Variants in LCP1 observed in about 807,000 individuals in gnomAD.
LCP1 encodes plastin-2.
LCP1 carries 23 observed loss-of-function variants against 72.0 expected under a neutral mutation model. The observed-to-expected ratio is 0.32, with a 90% confidence interval of 0.23 to 0.45. LCP1 has a LOEUF of 0.45. Ranked by LOEUF, LCP1 falls within the 20% of genes least tolerant of loss-of-function variation. The pLI is 1.00. For synonymous variants in LCP1, 245 were observed against 275.4 expected, an observed-to-expected ratio of 0.89 and a Z score of 1.09; for missense variants, 571 against 748.3, an observed-to-expected ratio of 0.76 and a Z score of 2.76.
At chr13:46,170,818 G>A (rs1284432132) in intron 1 of LCP1, among the ~76,000 whole-genome samples, 1 of 152,188 alleles carries the variant, frequency 6.6e-6, no homozygotes, top group Non-Finnish European at 1.5e-5. Flanking sequence ...GGCCTGTTGA[G>A]TAGGGGAGAG....
At chr13:46,163,564 C>G (rs1450287693) in intron 1 of LCP1, among the ~76,000 whole-genome samples, 1 of 151,460 alleles carries the variant, frequency 6.6e-6, no homozygotes, top group African/African-American at 2.4e-5. Context: ...ATCTGCTGAC[C>G]TTCCCTCCAC....
intron 6 of LCP1, chr13:46,153,212 T>C (rs895000684): frequency 3.5e-6 from 1 of 283,740 alleles, no homozygotes; most frequent in Non-Finnish European, 6.6e-6. Context: ...ATGAGACTGA[T>C]GAGGCCTATA....
At chr13:46,173,189 A>G (rs2045912677) in intron 1 of LCP1, among the ~76,000 whole-genome samples, 2 of 152,228 alleles carry the variant, frequency 1.3e-5, no homozygotes, top group South Asian at 4.1e-4. Flanking sequence ...AAATGAATCA[A>G]CTAGGCAGTG....
rs1230335478 is a variant in LCP1 at position 46,127,061 on chromosome 13, G to A, written c.*530C>T. 9 of 230,854 alleles carry A rather than the reference G, an allele frequency of 3.9e-5. No homozygotes were observed. The highest frequency in any genetic ancestry group is 1.6e-4 in the African/African-American group (7 of 45,150). The allele number at this position is 230,854 out of a possible 1,614,324, so 14.3% of individuals were successfully genotyped here. On this transcript the variant is annotated 3_prime_UTR_variant, in exon 16 of 16. Transcript: ENST00000323076. ...ACGGCCAGAAGAGATGGGCCCCCCC[G>A]GAAGGCATGGTTCCAAAAGTGTGAG...
At position 46,152,945 on chromosome 13, in the gene LCP1, C is replaced by T; in HGVS notation, c.574G>A (p.Glu192Lys). 6.2e-7 allele frequency: 1 copy of T among 1,604,234 alleles called. No homozygotes were observed. The highest frequency in any genetic ancestry group is 8.5e-7 in the Non-Finnish European group (1 of 1,177,014). Reference protein sequence around the residue: ...KKKLTPFTIQENLNLALNSAS... With the variant: ...KKKLTPFTIQKNLNLALNSAS... ...GAGTTCAGAGCCAAGTTCAGATTTT[C>T]CTGAGGGAGAAAATGTATGCAAGTT... is the stretch of plus-strand genomic sequence containing the variant. Residue 192 changes from glutamate (E) to lysine (K), a missense_variant and splice_region_variant, in exon 7 of 16, where the codon GAA becomes AAA. Glu to Lys is a moderately conservative substitution (Grantham distance 56). Transcript: ENST00000323076.
intron 6 of LCP1, 140 bp from the exon 7 acceptor site, chr13:46,153,085 A>T (rs2045778858): frequency 2.5e-6 from 2 of 804,478 alleles, no homozygotes; most frequent in Non-Finnish European, 3.8e-6. Context: ...TAACATTGAG[A>T]AAAAAACAGT....
chr13:46,161,650 A>C (rs1029835861), intron 1 of LCP1, among the ~76,000 whole-genome samples: 4 of 151,996 alleles, frequency 2.6e-5, no homozygotes, highest in African/African-American at 9.7e-5. Context: ...AAATAATTTG[A>C]GCTAAGTTAC....
At chr13:46,167,220 T>G (rs765843233) in intron 1 of LCP1, among the ~76,000 whole-genome samples, 23 of 152,140 alleles carry the variant, frequency 1.5e-4, no homozygotes, top group Non-Finnish European at 2.1e-4. Context: ...TAAACACTTA[T>G]GGGAAGCTAG....
intron 11 of LCP1, among the ~76,000 whole-genome samples, 191 bp from the exon 12 acceptor site, chr13:46,143,595 G>C (rs908076926): frequency 1.3e-5 from 2 of 152,138 alleles, no homozygotes; most frequent in African/African-American, 4.8e-5. Flanking sequence ...ACTCTTCCCA[G>C]GTGTGACTAG....
chr13:46,162,176 C>A (rs1730670448), intron 1 of LCP1, among the ~76,000 whole-genome samples: 1 of 151,978 alleles, frequency 6.6e-6, no homozygotes, highest in South Asian at 2.1e-4. Flanking sequence ...TACTCGGGTT[C>A]TCTGCCTTCA....
intron 1 of LCP1, among the ~76,000 whole-genome samples, chr13:46,170,366 G>A (rs866840672): frequency 1.6e-4 from 24 of 152,328 alleles, no homozygotes; most frequent in African/African-American, 5.1e-4. Context: ...CTTGCCAGCC[G>A]CAAAAGCGAT....
chr13:46,143,454 G>A (rs745967905), intron 11 of LCP1, 50 bp from the exon 12 acceptor site: 1 of 1,265,608 alleles, frequency 7.9e-7, no homozygotes, highest in African/African-American at 1.5e-5. Context: ...CATTTATTCA[G>A]GGCCTACAAT....
In LCP1 at chr13:46,127,552, G is replaced by T; in HGVS notation, c.*39C>A. On this transcript the variant is annotated 3_prime_UTR_variant, in exon 16 of 16. Coordinates refer to ENST00000323076, the MANE Select transcript of LCP1 (RefSeq NM_002298.5). ...CTGGAGCATCTGTGCCGGGCAGTCA[G>T]GAGTGAGTGCACCGCCTCCCACCCA... The T allele has an allele frequency of 1.2e-6, 2 of 1,612,408 alleles. No individual in the cohort carries two copies. Among genetic ancestry groups the T allele is most frequent in the Non-Finnish European group, 1.7e-6 (2 of 1,179,138 alleles).
In LCP1 at chr13:46,147,059, C is replaced by T. The variant is rs1378412721; in HGVS notation, c.1023G>A (p.Ala341=). The T allele has an allele frequency of 1.5e-5, 24 of 1,611,778 alleles. 1 individual carries two copies. The highest frequency in any genetic ancestry group is 2.2e-5 in the South Asian group (2 of 90,812). Residue 341 remains alanine, a synonymous_variant, in exon 10 of 16, where the codon GCG becomes GCA. Transcript: ENST00000323076. ...CAAACTGCCGGCAGCCCAGCCTCTC[C>T]GCCTGCTGCAGCATGCATTCTGCCC... ...IQRAECMLQQ[A]ERLGCRQFVT...
At chr13:46,146,848 T>G (rs2045733562) in intron 10 of LCP1, 60 bp downstream of exon 10, 1 of 1,523,678 alleles carries the variant, frequency 6.6e-7, no homozygotes, top group Middle Eastern at 1.7e-4. Context: ...GAGTTTGAAT[T>G]GCCATTGAAT....
At chr13:46,138,494 G>C (rs1487574478) in intron 13 of LCP1, among the ~76,000 whole-genome samples, 2 of 152,148 alleles carry the variant, frequency 1.3e-5, no homozygotes, top group Non-Finnish European at 2.9e-5. Context: ...TTAACCAGGT[G>C]GAGACAGCAA....
At chr13:46,176,531 A>C (rs1374864705) in intron 1 of LCP1, among the ~76,000 whole-genome samples, 1 of 152,230 alleles carries the variant, frequency 6.6e-6, no homozygotes, top group African/African-American at 2.4e-5. Flanking sequence ...TGCAAATTTT[A>C]TACAAATAAC....
chr13:46,131,049 G>T (rs35506111), intron 14 of LCP1, 111 bp from the exon 15 acceptor site: 1 of 1,112,182 alleles, frequency 9.0e-7, no homozygotes, highest in Non-Finnish European at 1.2e-6. Flanking sequence ...ATACAGCCTG[G>T]TCTGGGAAAT....
intron 11 of LCP1, 104 bp downstream of exon 11, chr13:46,144,338 A>T (rs1480642955): frequency 3.4e-6 from 3 of 888,596 alleles, no homozygotes; most frequent in African/African-American, 1.7e-5. Flanking sequence ...CCAGCAAGGT[A>T]TGCACATTTT....
Sources: allele counts gnomAD v4.1 joint callset (sites outside exome capture counted in the v4.1 genomes callset), GRCh38; gene constraint gnomAD v4.1.1; transcripts MANE v1.5; gene names NCBI Gene and HGNC (gene_info 2026-07-23, HGNC 2026-07-21).